Variants in MED13L observed in about 807,000 individuals in gnomAD.
The protein encoded by MED13L is mediator complex subunit 13L.
MED13L carries 7 observed loss-of-function variants against 220.9 expected under a neutral mutation model. That is an observed-to-expected ratio of 0.03 (90% CI 0.02 to 0.06). The LOEUF is 0.06. Ranked by LOEUF, MED13L falls within the 10% of genes least tolerant of loss-of-function variation. The pLI, the probability that MED13L is intolerant of heterozygous loss-of-function variation, is 1.00. For missense variants in MED13L, 1,965 were observed against 2,760.5 expected, an observed-to-expected ratio of 0.71 and a Z score of 6.46; for synonymous variants, 1,011 against 1,015.2, an observed-to-expected ratio of 1.00 and a Z score of 0.08.
chr12:116,030,047 C>T (rs1880639032), intron 4 of MED13L, among the ~76,000 whole-genome samples: 1 of 152,160 alleles, frequency 6.6e-6, no homozygotes, highest in Admixed American at 6.6e-5. Context: ...CTGCTCACTG[C>T]AACCTCCACC....
Position 116,008,765 on chromosome 12 carries a change from A to C in MED13L, c.1648T>G (p.Ser550Ala), listed in dbSNP as rs1233765232. Residue 550 changes from serine to alanine, a missense_variant, in exon 10 of 31, where the codon TCC becomes GCC. Ser to Ala is a moderately conservative substitution (Grantham distance 99). Around this residue, in one of 10 missense-constraint regions of MED13L, gnomAD observed 818 missense variants for 1,041.2 expected, o/e 0.79. Coordinates refer to ENST00000281928, the MANE Select transcript of MED13L (RefSeq NM_015335.5). ...GTTGGTGGCAGAGGGGATATAGGGGAATGAGGTGAATCCATAGGATTCAGA... is the reference window on the plus strand; with the variant it reads ...GTTGGTGGCAGAGGGGATATAGGGGCATGAGGTGAATCCATAGGATTCAGA... ...MNLNPMDSPH[S>A]PISPLPPTLS... is the part of the protein sequence containing the mutation. 1 of 1,613,622 alleles carries C rather than the reference A, an allele frequency of 6.2e-7. No individual in the cohort carries two copies. The highest frequency in any genetic ancestry group is 1.3e-5 in the African/African-American group (1 of 74,818).
At chr12:116,235,852 AC>A (rs1374442151) in intron 2 of MED13L, among the ~76,000 whole-genome samples, 1 of 152,184 alleles carries the variant, frequency 6.6e-6, no homozygotes, top group East Asian at 1.9e-4. Context: ...CCTCATCATT[AC>A]AAAATTATAT....
chr12:116,193,678 A>C (rs529126796), intron 2 of MED13L, among the ~76,000 whole-genome samples: 1 of 152,134 alleles, frequency 6.6e-6, no homozygotes, highest in African/African-American at 2.4e-5. Flanking sequence ...AAAAGGTAAG[A>C]ATTTCTAATT....
At chr12:116,097,295 A>G (rs1464540994) in intron 3 of MED13L, among the ~76,000 whole-genome samples, 7 of 151,954 alleles carry the variant, frequency 4.6e-5, no homozygotes, top group Non-Finnish European at 1.0e-4. Context: ...ATGGGCGTGC[A>G]CCACCATGTC....
intron 3 of MED13L, among the ~76,000 whole-genome samples, chr12:116,099,883 C>G (rs917311420): frequency 6.6e-6 from 1 of 152,188 alleles, no homozygotes; most frequent in Non-Finnish European, 1.5e-5. Context: ...GCAATGTCAT[C>G]AAAAGGTTGT....
At chr12:116,038,089 C>T (rs1881292901) in intron 4 of MED13L, among the ~76,000 whole-genome samples, 1 of 151,780 alleles carries the variant, frequency 6.6e-6, no homozygotes, top group Admixed American at 6.6e-5. Flanking sequence ...TGACAGAACA[C>T]ACAGATTAAA....
At chr12:116,241,298 C>T (rs2138477260) in intron 1 of MED13L, among the ~76,000 whole-genome samples, 1 of 148,336 alleles carries the variant, frequency 6.7e-6, no homozygotes, top group East Asian at 2.0e-4. Flanking sequence ...AATGAGGCTC[C>T]GTCTCTTTAA....
At chr12:116,146,550 C>T (rs1235534567) in intron 2 of MED13L, among the ~76,000 whole-genome samples, 4 of 151,900 alleles carry the variant, frequency 2.6e-5, no homozygotes, top group Admixed American at 1.3e-4. Flanking sequence ...AGATTGGACA[C>T]CCTGCTTTAA....
At chr12:116,097,084 T>C (rs1316019373) in intron 3 of MED13L, among the ~76,000 whole-genome samples, 1 of 152,278 alleles carries the variant, frequency 6.6e-6, no homozygotes, top group East Asian at 1.9e-4. Context: ...TCATCAAGAA[T>C]GTTAGGAATA....
intron 2 of MED13L, among the ~76,000 whole-genome samples, chr12:116,118,019 G>A (rs1055450081): frequency 9.9e-5 from 15 of 152,134 alleles, no homozygotes; most frequent in African/African-American, 3.6e-4. Context: ...ATGTTGCCCA[G>A]GCTGCTCTTG....
intron 3 of MED13L, among the ~76,000 whole-genome samples, chr12:116,108,852 T>C (rs908692859): frequency 6.6e-6 from 1 of 152,088 alleles, no homozygotes; most frequent in Admixed American, 6.6e-5. Flanking sequence ...TTACTGACAT[T>C]AACAGTATGT....
At chr12:116,076,182 G>A (rs1445453413) in intron 4 of MED13L, among the ~76,000 whole-genome samples, 5 of 152,112 alleles carry the variant, frequency 3.3e-5, no homozygotes, top group African/African-American at 1.2e-4. Context: ...CAAAGTGCTG[G>A]CCAGAAGATT....
intron 2 of MED13L, among the ~76,000 whole-genome samples, chr12:116,157,204 G>C (rs1018991569): frequency 6.6e-6 from 1 of 152,082 alleles, no homozygotes; most frequent in Non-Finnish European, 1.5e-5. Context: ...CCTGTGCTAT[G>C]CCTTTCATAA....
intron 2 of MED13L, among the ~76,000 whole-genome samples, chr12:116,124,119 A>AGAGAGAGAGAGAGAG: frequency 1.0e-5 from 1 of 100,498 alleles, no homozygotes; most frequent in South Asian, 4.1e-4. Flanking sequence ...GAGAGAGAGA[A>AGAGAGAGAGAGAGAG]AGACGAGAGA....
chr12:116,193,265 C>A (rs985164611), intron 2 of MED13L, among the ~76,000 whole-genome samples: 12 of 152,162 alleles, frequency 7.9e-5, no homozygotes, highest in Non-Finnish European at 1.5e-5. Flanking sequence ...GAGCTACGAT[C>A]ATGCCACTGC....
Position 115,959,094 on chromosome 12 carries a change from T to C in MED13L, c.*2172A>G, listed in dbSNP as rs887614819. ...TTCAGTAAAAAACTCACAAGTAAAA[T>C]AATGCATATTTAAGGGAAATATTAT... On this transcript the variant is annotated 3_prime_UTR_variant, in exon 31 of 31. Coordinates refer to ENST00000281928, the MANE Select transcript of MED13L (RefSeq NM_015335.5). The C allele has an allele frequency of 4.6e-5, 7 of 152,528 alleles. No individual in the cohort carries two copies. The highest frequency in any genetic ancestry group is 7.4e-5 in the Non-Finnish European group (5 of 68,012). 9.4% of individuals were successfully genotyped at this position (152,528 alleles called of 1,614,324 possible). A position where few individuals can be genotyped will look rare whatever the true frequency, so the allele number is the denominator to read the frequency against.
At chr12:116,124,309 C>T (rs1875392359) in intron 2 of MED13L, among the ~76,000 whole-genome samples, 1 of 152,086 alleles carries the variant, frequency 6.6e-6, no homozygotes, top group African/African-American at 2.4e-5. Flanking sequence ...CAGTCTATGG[C>T]AAATATTGCA....
chr12:116,002,690 G>T (rs946944267), intron 14 of MED13L, among the ~76,000 whole-genome samples: 2 of 152,222 alleles, frequency 1.3e-5, no homozygotes, highest in African/African-American at 4.8e-5. Flanking sequence ...AATCACTTGT[G>T]CAGCATTTAT....
intron 4 of MED13L, among the ~76,000 whole-genome samples, chr12:116,044,706 C>T (rs577761855): frequency 6.6e-5 from 10 of 152,286 alleles, no homozygotes; most frequent in African/African-American, 1.9e-4. Flanking sequence ...CACTAATCCC[C>T]GGAAAAGTCA....
Sources: allele counts gnomAD v4.1 joint callset (sites outside exome capture counted in the v4.1 genomes callset), GRCh38; gene constraint gnomAD v4.1.1; regional missense constraint gnomAD v4.1.1; transcripts MANE v1.5; gene names NCBI Gene and HGNC (gene_info 2026-07-23, HGNC 2026-07-21).